FIP1L1: variants seen among roughly 807,000 people sequenced by gnomAD.
FIP1L1 encodes the protein factor interacting with PAPOLA and CPSF1, also known as pre-mRNA 3'-end-processing factor FIP1.
In FIP1L1, 21 loss-of-function variants were observed where a neutral mutation model predicts 84.6. The observed-to-expected ratio is 0.25, with a 90% CI of 0.18 to 0.36. FIP1L1 has a LOEUF of 0.36. Among genes scored for constraint, FIP1L1 ranks in the 10% least tolerant of loss-of-function variants. The probability of loss-of-function intolerance (pLI) is 1.00; values close to 1 mark genes in which losing one functional copy is unlikely to be tolerated. For missense variants in FIP1L1, 526 were observed against 751.1 expected, an observed-to-expected ratio of 0.70 and a Z score of 3.50; for synonymous variants, 263 against 242.3, an observed-to-expected ratio of 1.09 and a Z score of -0.80.
intron 4 of FIP1L1, among the ~76,000 whole-genome samples, chr4:53,383,290 C>G (rs1414657453): frequency 6.6e-6 from 1 of 151,990 alleles, no homozygotes; most frequent in Non-Finnish European, 1.5e-5. Context: ...TCCTTTTTAT[C>G]CTGTAGAACA....
intron 11 of FIP1L1, among the ~76,000 whole-genome samples, chr4:53,417,323 C>T (rs181491825): frequency 1.3e-5 from 2 of 152,196 alleles, no homozygotes; most frequent in African/African-American, 4.8e-5. Context: ...GCTGTATTTT[C>T]ATTACGTGTT....
chr4:53,408,617 C>G (rs1755197641), intron 10 of FIP1L1, among the ~76,000 whole-genome samples: 1 of 152,222 alleles, frequency 6.6e-6, no homozygotes, highest in Non-Finnish European at 1.5e-5. Context: ...TTCTCCCCGT[C>G]ACTTTCAGGT....
At chr4:53,428,904 G>A (rs1275678596) in intron 13 of FIP1L1, among the ~76,000 whole-genome samples, 1 of 152,276 alleles carries the variant, frequency 6.6e-6, no homozygotes, top group East Asian at 1.9e-4. Context: ...AGTAGTAAAT[G>A]ATGAAAAAAT....
chr4:53,402,141 AT>A (rs2149514111), intron 10 of FIP1L1, among the ~76,000 whole-genome samples: 1 of 152,316 alleles, frequency 6.6e-6, no homozygotes, highest in South Asian at 2.1e-4. Context: ...AATCCAATTG[AT>A]TGGTCAAGAA....
At chr4:53,381,003 G>C (rs1159201013) in intron 3 of FIP1L1, among the ~76,000 whole-genome samples, 1 of 151,932 alleles carries the variant, frequency 6.6e-6, no homozygotes, top group Non-Finnish European at 1.5e-5. Flanking sequence ...AAATTTATTG[G>C]AGGGAACCTT....
At chr4:53,386,817 T>C (rs56997859) in intron 5 of FIP1L1, among the ~76,000 whole-genome samples, 19,731 of 152,002 alleles carry the variant, frequency 0.13, 2,553 homozygotes, top group African/African-American at 0.32. Context: ...TTTGTTGCTG[T>C]TGTTGTTCTG....
intron 10 of FIP1L1, among the ~76,000 whole-genome samples, chr4:53,411,585 A>G (rs1312908253): frequency 6.6e-6 from 1 of 152,200 alleles, no homozygotes; most frequent in Admixed American, 6.5e-5. Flanking sequence ...ATTCATAAAG[A>G]TATAATACAG....
intron 14 of FIP1L1, among the ~76,000 whole-genome samples, chr4:53,442,948 C>A (rs912032406): frequency 6.6e-6 from 1 of 152,010 alleles, no homozygotes; most frequent in Non-Finnish European, 1.5e-5. Context: ...TGATTTATGA[C>A]ACACTTGATT....
intron 13 of FIP1L1, among the ~76,000 whole-genome samples, chr4:53,441,813 G>A (rs1230482999): frequency 1.3e-5 from 2 of 151,928 alleles, no homozygotes; most frequent in South Asian, 2.1e-4. Context: ...TGTAGTATGA[G>A]AGACTTAAGT....
At chr4:53,431,608 T>TTTTTG (rs145905825) in intron 13 of FIP1L1, among the ~76,000 whole-genome samples, 1 of 678 alleles carries the variant, frequency 1.5e-3, no homozygotes, top group African/African-American at 3.0e-3. Context: ...TGCTACTAGA[T>TTTTTG]TTTTGTTTTG....
intron 16 of FIP1L1, among the ~76,000 whole-genome samples, chr4:53,455,028 T>TA (rs1718182206): frequency 6.6e-6 from 1 of 152,204 alleles, no homozygotes; most frequent in Non-Finnish European, 1.5e-5. Flanking sequence ...CCTTAATCCT[T>TA]ACAAACCAAC....
intron 10 of FIP1L1, among the ~76,000 whole-genome samples, chr4:53,413,818 G>A (rs1452745886): frequency 6.6e-6 from 1 of 152,014 alleles, no homozygotes; most frequent in Non-Finnish European, 1.5e-5. Context: ...TTTTGCATAT[G>A]TAAAACATCT....
chr4:53,390,218 G>A (rs1205416820), intron 6 of FIP1L1, among the ~76,000 whole-genome samples: 1 of 152,158 alleles, frequency 6.6e-6, no homozygotes, highest in Non-Finnish European at 1.5e-5. Flanking sequence ...GGGATTCCAT[G>A]TGTGAGCCAC....
At chr4:53,403,077 G>T (rs1751126259) in intron 10 of FIP1L1, among the ~76,000 whole-genome samples, 1 of 152,166 alleles carries the variant, frequency 6.6e-6, no homozygotes, top group Non-Finnish European at 1.5e-5. Flanking sequence ...GAAGAAAAGA[G>T]GTCTGAAATA....
At position 53,459,720 on chromosome 4, in the gene FIP1L1, G is replaced by GTGTT; in HGVS notation, c.*272_*275dup. Reference sequence around the variant, plus strand: ...CACTTAACAGGGAATCTAAAGAGCTGTGTTAGCTGTGTACATACACAGATT... The same window carrying GTGTT: ...CACTTAACAGGGAATCTAAAGAGCTGTGTTTGTTAGCTGTGTACATACACAGATT... On this transcript the variant is annotated 3_prime_UTR_variant, in exon 18 of 18. Transcript: ENST00000337488. The GTGTT allele has an allele frequency of 2.1e-6, 1 of 471,536 alleles. No individual in the cohort carries two copies. Among genetic ancestry groups the GTGTT allele is most frequent in the Non-Finnish European group, 3.8e-6 (1 of 260,032 alleles). 29.2% of individuals were successfully genotyped at this position (471,536 alleles called of 1,614,324 possible).
chr4:53,450,607 C>T (rs969923196), intron 15 of FIP1L1, among the ~76,000 whole-genome samples: 53 of 152,240 alleles, frequency 3.5e-4, no homozygotes, highest in African/African-American at 1.0e-3. Flanking sequence ...ATCACTTGAG[C>T]CTGAGAGTTC....
Position 53,406,219 on chromosome 4 carries a change from A to G in FIP1L1, c.815+6380A>G, listed in dbSNP as rs1269913441. Among the ~76,000 whole-genome samples the G allele has an allele frequency of 4.1e-5, 6 of 147,020 alleles. No homozygotes were observed. The South Asian group carries it at 6.9e-4, about 17-fold the overall frequency. ...TAATTTATTGAGAGTTTTTAGCATG[A>G]AGGGTTGTTGAATTTTGTCAAAGGC... On this transcript the variant is annotated intron_variant, in intron 10 of 17. Transcript: ENST00000337488.
chr4:53,433,413 T>C (rs1271540275), intron 13 of FIP1L1, among the ~76,000 whole-genome samples: 6 of 152,206 alleles, frequency 3.9e-5, no homozygotes, highest in African/African-American at 1.4e-4. Flanking sequence ...ACTTTGTTTC[T>C]AAAATAATAG....
chr4:53,432,398 C>A (rs1578872437), intron 13 of FIP1L1, among the ~76,000 whole-genome samples: 2 of 68,402 alleles, frequency 2.9e-5, no homozygotes, highest in African/African-American at 1.2e-4. Flanking sequence ...AACTCCATCT[C>A]AAAAAAAAAA....
Sources: allele counts gnomAD v4.1 joint callset (sites outside exome capture counted in the v4.1 genomes callset), GRCh38; gene constraint gnomAD v4.1.1; transcripts MANE v1.5; gene names NCBI Gene and HGNC (gene_info 2026-07-23, HGNC 2026-07-21).